ANKRD31: variants seen among roughly 807,000 people sequenced by gnomAD.
The protein encoded by ANKRD31 is ankyrin repeat domain 31.
In ANKRD31, 147 loss-of-function variants were observed where a neutral mutation model predicts 186.0. The ratio of observed to expected loss-of-function variants is 0.79; its 90% CI spans 0.69 to 0.91. The LOEUF (loss-of-function observed/expected upper bound fraction) is 0.91. Ranked by LOEUF, ANKRD31 falls within the 40% of genes least tolerant of loss-of-function variation. The pLI is 0.00. For missense variants in ANKRD31, 1,986 were observed against 2,148.8 expected, an observed-to-expected ratio of 0.92 and a Z score of 1.50; for synonymous variants, 673 against 736.4, an observed-to-expected ratio of 0.91 and a Z score of 1.39.
chr5:75,217,152 A>T (rs1757007928), intron 3 of ANKRD31, among the ~76,000 whole-genome samples: 2 of 152,098 alleles, frequency 1.3e-5, no homozygotes, highest in Admixed American at 6.6e-5. Context: ...ATTGCAGGGT[A>T]AATTTTAGAA....
chr5:75,133,598 C>A (rs1169169143), intron 17 of ANKRD31, among the ~76,000 whole-genome samples: 1 of 152,158 alleles, frequency 6.6e-6, no homozygotes. Context: ...CAACATTAGA[C>A]AGATCAACGA....
At chr5:75,188,466 T>TAA in intron 10 of ANKRD31, 27 bp downstream of exon 10, 1 of 1,524,352 alleles carries the variant, frequency 6.6e-7, no homozygotes, top group Non-Finnish European at 8.8e-7. Flanking sequence ...ACTCTTAAGG[T>TAA]AACTGTGGGT....
At chr5:75,135,861 C>T (rs1183970850) in intron 17 of ANKRD31, among the ~76,000 whole-genome samples, 5 of 152,080 alleles carry the variant, frequency 3.3e-5, no homozygotes, top group Non-Finnish European at 7.4e-5. Flanking sequence ...GAAATAATAC[C>T]ACACATCTAC....
intron 10 of ANKRD31, among the ~76,000 whole-genome samples, chr5:75,170,891 C>G (rs1273778701): frequency 6.6e-6 from 1 of 152,030 alleles, no homozygotes; most frequent in African/African-American, 2.4e-5. Context: ...TAAAGACAGA[C>G]ATTTCATGGT....
In ANKRD31 at chr5:75,136,191, C is replaced by G. The variant is rs190841744; in HGVS notation, c.3876+1665G>C. ...ATCTAATTAAACTAAAGAGCTCCTG[C>G]ACAGCAAAAGAAACTACCATCAGAG... is the stretch of plus-strand genomic sequence containing the variant. On this transcript the variant is annotated intron_variant, in intron 17 of 25. Transcript: ENST00000506364. Among the ~76,000 whole-genome samples the G allele has an allele frequency of 1.1e-3, 174 of 152,252 alleles. 2 individuals are homozygous for G. The highest frequency in any genetic ancestry group is 3.9e-3 in the African/African-American group (163 of 41,550).
intron 15 of ANKRD31, among the ~76,000 whole-genome samples, chr5:75,140,624 T>C (rs151091966): frequency 6.6e-6 from 1 of 152,338 alleles, no homozygotes; most frequent in African/African-American, 2.4e-5. Context: ...GTATTTCATT[T>C]AACTGATTAA....
chr5:75,180,092 GACAA>G (rs1255143974), intron 10 of ANKRD31, among the ~76,000 whole-genome samples: 4 of 152,106 alleles, frequency 2.6e-5, no homozygotes, highest in Admixed American at 2.0e-4. Context: ...ACCTATAACA[GACAA>G]ACAGAGAGCC....
intron 22 of ANKRD31, among the ~76,000 whole-genome samples, chr5:75,099,245 G>GTT (rs1226299134): frequency 6.6e-6 from 1 of 152,088 alleles, no homozygotes; most frequent in African/African-American, 2.4e-5. Flanking sequence ...ATTGATTTGC[G>GTT]TATGTTGAAC....
intron 20 of ANKRD31, 89 bp from the exon 21 acceptor site, chr5:75,107,706 A>G (rs73127389): frequency 0.026 from 18,707 of 722,524 alleles, 626 homozygotes; most frequent in African/African-American, 0.13. Context: ...TGTTAATTTT[A>G]AAAAGCGTTA....
rs554875572 is a variant in ANKRD31, at chr5:75,172,235, T to C, written c.1565-3114A>G. 3.3e-5 allele frequency among the ~76,000 whole-genome samples: 5 copies of C among 151,986 alleles called. No homozygotes were observed. The South Asian group carries it at 1.0e-3, about 32-fold the overall frequency. On this transcript the variant is annotated intron_variant, in intron 10 of 25. Transcript: ENST00000506364. ...CCAGATACAGTTTATTCTAAGAATG[T>C]AAGGTTGGTTTAACATTTGAAAATC...
At chr5:75,234,833 G>GTTT (rs143164386) in intron 1 of ANKRD31, among the ~76,000 whole-genome samples, 11 of 150,420 alleles carry the variant, frequency 7.3e-5, no homozygotes, top group South Asian at 2.1e-4. Flanking sequence ...ATACTTTTTG[G>GTTT]TTTTTTTTTA....
chr5:75,218,646 A>G (rs1444884593), intron 3 of ANKRD31, among the ~76,000 whole-genome samples: 1 of 152,172 alleles, frequency 6.6e-6, no homozygotes, highest in Non-Finnish European at 1.5e-5. Context: ...CAACAAAAAA[A>G]AGAAAACTTC....
Position 75,138,888 on chromosome 5 carries a change from G to A in ANKRD31, c.3691C>T (p.Leu1231=). ...TTCACATCTGCTCCAGATTCTATCA[G>A]GGCTTTCACTAGGGGCAGATTTCCT... The part of the protein sequence containing the change: ...RRGNLPLVKA[L]IESGADVNLN... Residue 1231 remains leucine (L), a synonymous_variant, in exon 16 of 26, where the codon CTG becomes TTG. Transcript: ENST00000506364. The A allele has an allele frequency of 6.5e-7, 1 of 1,536,714 alleles. No homozygotes were observed. Among genetic ancestry groups the A allele is most frequent in the Non-Finnish European group, 8.7e-7 (1 of 1,146,578 alleles).
intron 17 of ANKRD31, among the ~76,000 whole-genome samples, chr5:75,122,479 G>GA (rs55678790): frequency 6.6e-6 from 1 of 151,168 alleles, no homozygotes; most frequent in Non-Finnish European, 1.5e-5. Flanking sequence ...CAAACAAACA[G>GA]AAAAAAAACT....
At chr5:75,082,954 T>C (rs960626655) in intron 24 of ANKRD31, among the ~76,000 whole-genome samples, 4 of 152,234 alleles carry the variant, frequency 2.6e-5, no homozygotes, top group African/African-American at 9.6e-5. Context: ...AGATTCGCTG[T>C]GCTTCCTACA....
At chr5:75,138,772 G>T (rs1328309202) in intron 16 of ANKRD31, 74 bp downstream of exon 16, 4 of 1,393,278 alleles carry the variant, frequency 2.9e-6, no homozygotes, top group Non-Finnish European at 3.8e-6. Context: ...CAAATTGGAG[G>T]GGGCAGGAGG....
chr5:75,222,166 G>T, intron 3 of ANKRD31, 83 bp downstream of exon 3: 1 of 977,566 alleles, frequency 1.0e-6, no homozygotes, highest in African/African-American at 1.7e-5. Flanking sequence ...TAGACAAAAA[G>T]AATTATCATT....
chr5:75,075,020 A>G (rs1744520659), intron 25 of ANKRD31, among the ~76,000 whole-genome samples: 1 of 152,228 alleles, frequency 6.6e-6, no homozygotes, highest in Non-Finnish European at 1.5e-5. Context: ...TTTCTTAAAA[A>G]TCACAACATA....
intron 10 of ANKRD31, among the ~76,000 whole-genome samples, chr5:75,179,863 C>G (rs1238981453): frequency 4.6e-5 from 7 of 152,000 alleles, no homozygotes; most frequent in East Asian, 1.9e-4. Flanking sequence ...ATTCAACATA[C>G]TTTTGGAAGT....
Sources: allele counts gnomAD v4.1 joint callset (sites outside exome capture counted in the v4.1 genomes callset), GRCh38; gene constraint gnomAD v4.1.1; transcripts MANE v1.5; gene names NCBI Gene and HGNC (gene_info 2026-07-23, HGNC 2026-07-21).